Variants in IL11 observed in about 807,000 individuals in gnomAD.
The protein encoded by IL11 is interleukin-11.
IL11 carries 17 observed loss-of-function variants against 18.1 expected under a neutral mutation model. The ratio of observed to expected loss-of-function variants is 0.94; its 90% confidence interval spans 0.64 to 1.41. The LOEUF (loss-of-function observed/expected upper bound fraction) is 1.41, where lower values mean the gene tolerates loss of function less well. Among genes scored for constraint, IL11 ranks in the 40% most tolerant of loss-of-function variants. The pLI is 0.00. For missense variants in IL11, 309 were observed against 262.8 expected (o/e 1.18, Z -1.22); for synonymous variants, 144 against 134.1 (o/e 1.07, Z -0.51).
At position 55,366,229 on chromosome 19, in the gene IL11, C is replaced by T. The variant is rs1254251881; in HGVS notation, c.430-52G>A. The T allele has an allele frequency of 2.1e-6, 3 of 1,438,196 alleles. No homozygotes were observed. The highest frequency in any genetic ancestry group is 2.7e-6 in the Non-Finnish European group (3 of 1,094,992). The allele number at this position is 1,438,196 out of a possible 1,614,324, so 89.1% of individuals were successfully genotyped here. ...ACAGGTAGGGGGTGCAGCGGGGGTG[C>T]AGGGCAGGGGTGCTGTGGAGCTGCA... On this transcript the variant is annotated intron_variant, in intron 4 of 4. Transcript: ENST00000264563. The surrounding 1 kb of genome is among the most constrained non-coding windows in gnomAD (Gnocchi z 4.6).
At chr19:55,370,183 C>T (rs2089813907) in intron 1 of IL11, 121 bp downstream of exon 1, 4 of 757,360 alleles carry the variant, frequency 5.3e-6, no homozygotes, top group Non-Finnish European at 9.3e-6. Flanking sequence ...GCTCTCCTCC[C>T]CGGCTGCCTG....
Position 55,369,001 on chromosome 19 carries a change from T to G in IL11, c.8-60A>C. The G allele has an allele frequency of 7.1e-7, 1 of 1,416,810 alleles. No homozygotes were observed. The highest frequency in any genetic ancestry group is 9.4e-7 in the Non-Finnish European group (1 of 1,067,632). The allele number at this position is 1,416,810 out of a possible 1,614,324, so 87.8% of individuals were successfully genotyped here. A position where few individuals can be genotyped will look rare whatever the true frequency, so the allele number is the denominator to read the frequency against. On this transcript the variant is annotated intron_variant, in intron 1 of 4. Coordinates refer to ENST00000264563, the MANE Select transcript of IL11 (RefSeq NM_000641.4). The surrounding 1 kb of genome is among the most constrained non-coding windows in gnomAD (Gnocchi z 6.1). ...ACTCCGGGTCTGAGAGAGGAGGGCCTGGGCCTGGACTCCCGGGTCTGAGGG... is the reference window on the plus strand; with the variant it reads ...ACTCCGGGTCTGAGAGAGGAGGGCCGGGGCCTGGACTCCCGGGTCTGAGGG...
chr19:55,367,711 C>T (rs1013823542), intron 4 of IL11, among the ~76,000 whole-genome samples: 6 of 151,972 alleles, frequency 3.9e-5, no homozygotes, highest in South Asian at 2.1e-4. Flanking sequence ...CCACTTGCCT[C>T]GGCCTCCCAA....
At chr19:55,368,683 AAC>A (rs1331912320) in intron 2 of IL11, 84 bp downstream of exon 2, 4 of 1,495,378 alleles carry the variant, frequency 2.7e-6, no homozygotes, top group Non-Finnish European at 3.6e-6. Flanking sequence ...GAGAGCCCAG[AAC>A]CCCTCCAAGT....
In IL11 at chr19:55,368,308, GCCACTGCACGTGC is replaced by G. The variant is rs1235929889; in HGVS notation, c.318_330del (p.His107CysfsTer9). On this transcript the variant is annotated frameshift_variant, in exon 4 of 5. Coordinates refer to ENST00000264563, the MANE Select transcript of IL11 (RefSeq NM_000641.4). LOFTEE classifies it high-confidence loss of function. The stretch of plus-strand genomic sequence containing the variant: ...AGGGAAGAGCCACCTGCCCGGCGCA[GCCACTGCACGTGC>G]CGCAGGTAGGACAGTAGGTCCGCTC... 6.3e-7 allele frequency: 1 copy of G among 1,588,946 alleles called. No homozygotes were observed. Among genetic ancestry groups the G allele is most frequent in the Admixed American group, 1.8e-5 (1 of 56,954 alleles).
In IL11 at chr19:55,365,814, C is replaced by CTT. The variant is rs1216353129; in HGVS notation, c.*192_*193insAA. 2.3e-6 allele frequency: 2 copies of CTT among 876,560 alleles called. No homozygotes were observed. Among genetic ancestry groups the CTT allele is most frequent in the African/African-American group, 3.5e-5 (2 of 56,570 alleles). 54.3% of individuals were successfully genotyped at this position (876,560 alleles called of 1,614,324 possible). On this transcript the variant is annotated 3_prime_UTR_variant, in exon 5 of 5. Transcript: ENST00000264563. ...CCTCGGGGACCCAGGAGTCCACCTG[C>CTT]CTCCCACCCCTGCTCCTGAAATAAA...
At position 55,366,445 on chromosome 19, in the gene IL11, C is replaced by T. The variant is rs1175036191; in HGVS notation, c.430-268G>A. Among the ~76,000 whole-genome samples, 1 of 151,812 alleles carries T rather than the reference C, an allele frequency of 6.6e-6. No homozygotes were observed. The highest frequency in any genetic ancestry group is 1.5e-5 in the Non-Finnish European group (1 of 67,982). The stretch of plus-strand genomic sequence containing the variant: ...GGCATCTCGGTTCTAGGTGAGGGAT[C>T]GGGCCTGGGACTGTTAGAGTCGCCG... On this transcript the variant is annotated intron_variant, in intron 4 of 4. Transcript: ENST00000264563. The surrounding 1 kb of genome is among the most constrained non-coding windows in gnomAD (Gnocchi z 4.6).
rs1018255427 is a variant in IL11, at chr19:55,369,860, G to A, written c.7+444C>T. On this transcript the variant is annotated intron_variant, in intron 1 of 4. Transcript: ENST00000264563. This position sits in a 1 kb window ranked among gnomAD's most constrained non-coding sequence, Gnocchi z 6.1. ...GCGCCCAGTCTCTCTCCTCCCCCCG[G>A]CTGGGGTCGCTACTCCCTGGCTTGC... is the stretch of plus-strand genomic sequence containing the variant. Among the ~76,000 whole-genome samples the A allele has an allele frequency of 1.5e-4, 22 of 151,658 alleles. No homozygotes were observed. Among genetic ancestry groups the A allele is most frequent in the African/African-American group, 5.1e-4 (21 of 41,376 alleles).
rs773143821 is a variant in IL11, at chr19:55,368,809, C to A, written c.140G>T (p.Arg47Leu). Residue 47 changes from arginine (R) to leucine (L), a missense_variant, in exon 2 of 5, where the codon CGC (arginine) becomes CTC (leucine). Transcript: ENST00000264563. ...CTGCCGCGTGTCCGCCAGGAGAGAG[C>A]GGGTCAGGAGCACGGTGCTGTCCAG... is the stretch of plus-strand genomic sequence containing the variant. ...AELDSTVLLT[R>L]SLLADTRQLA... The A allele has an allele frequency of 3.1e-5, 49 of 1,592,168 alleles. No homozygotes were observed. The highest frequency in any genetic ancestry group is 3.9e-5 in the Non-Finnish European group (46 of 1,170,254).
rs1468955923 is a variant in IL11 at position 55,369,489 on chromosome 19, G to A, written c.8-548C>T. On this transcript the variant is annotated intron_variant, in intron 1 of 4. Coordinates refer to ENST00000264563, the MANE Select transcript of IL11 (RefSeq NM_000641.4). The surrounding 1 kb of genome is among the most constrained non-coding windows in gnomAD (Gnocchi z 6.1). ...CCCGGGAGACACGGACCTCTCCCAC[G>A]GGAGACCCCTTAGACGCCCTCCCAG... Among the ~76,000 whole-genome samples, 1 of 151,020 alleles carries A rather than the reference G, an allele frequency of 6.6e-6. No individual in the cohort carries two copies. Among genetic ancestry groups the A allele is most frequent in the African/African-American group, 2.5e-5 (1 of 40,696 alleles).
chr19:55,366,016 A>G lies in IL11; in HGVS notation c.591T>C (p.Thr197=), dbSNP rs1371039503. The G allele has an allele frequency of 6.2e-7, 1 of 1,603,734 alleles. No homozygotes were observed. Among genetic ancestry groups the G allele is most frequent in the Admixed American group, 1.7e-5 (1 of 58,842 alleles). Residue 197 remains threonine, a synonymous_variant, in exon 5 of 5, where the codon ACT becomes ACC. Transcript: ENST00000264563. The surrounding 1 kb of genome is among the most constrained non-coding windows in gnomAD (Gnocchi z 4.6). Reference sequence around the variant, plus strand: ...GGCTTTGGGCCCCGGGTCACAGCCGAGTCTTCAGCAGCAGCAGTCCCCTCA... The same window carrying G: ...GGCTTTGGGCCCCGGGTCACAGCCGGGTCTTCAGCAGCAGCAGTCCCCTCA... The part of the protein sequence containing the change: ...WAVRGLLLLK[T]RL
In IL11 at chr19:55,370,290, A is replaced by G. The variant is rs376351367; in HGVS notation, c.7+14T>C. ...CCTCCCTGTCCCCTCCACCCTCCCC[A>G]TGAACCAACTTACAGTTCATGTCCC... On this transcript the variant is annotated intron_variant, in intron 1 of 4. Transcript: ENST00000264563. The G allele has an allele frequency of 1.2e-5, 18 of 1,485,904 alleles. No homozygotes were observed. Among genetic ancestry groups the G allele is most frequent in the Admixed American group, 8.7e-5 (4 of 46,012 alleles). 92.0% of individuals were successfully genotyped at this position (1,485,904 alleles called of 1,614,324 possible). A position where few individuals can be genotyped will look rare whatever the true frequency, so the allele number is the denominator to read the frequency against.
rs779248310 is a variant in IL11 at position 55,368,506 on chromosome 19, C to G, written c.244G>C (p.Ala82Pro). 6.2e-7 allele frequency: 1 copy of G among 1,612,848 alleles called. No homozygotes were observed. Among genetic ancestry groups the G allele is most frequent in the Non-Finnish European group, 8.5e-7 (1 of 1,179,558 alleles). The change falls in exon 3 of 5, where the codon GCG (alanine) becomes CCG (proline). Residue 82 changes from alanine to proline, a missense_variant. Ala to Pro is a conservative substitution (Grantham distance 27). Transcript: ENST00000264563. ...LDSLPTLAMS[A>P]GALGALQLPG... ...ACCTGTAGAGCTCCCAGTGCCCCCG[C>G]ACTCATGGCCAGGGTGGGCAGGGAA...
Position 55,366,051 on chromosome 19 carries a change from C to T in IL11, c.556G>A (p.Asp186Asn). ...AILGGLHLTL[D>N]WAVRGLLLLK... ...AGCAGCAGTCCCCTCACGGCCCAGT[C>T]AAGTGTCAGGTGCAGCCCCCCCAGG... Residue 186 changes from aspartate (D) to asparagine (N), a missense_variant, in exon 5 of 5, where the codon GAC (aspartate) becomes AAC (asparagine). By Grantham distance (23) the Asp-to-Asn change is conservative. Transcript: ENST00000264563. This position sits in a 1 kb window ranked among gnomAD's most constrained non-coding sequence, Gnocchi z 4.6. The T allele has an allele frequency of 6.2e-7, 1 of 1,602,886 alleles. No homozygotes were observed. The highest frequency in any genetic ancestry group is 8.5e-7 in the Non-Finnish European group (1 of 1,175,954).
At position 55,364,974 on chromosome 19, in the gene IL11, C is replaced by T. The variant is rs2089776292; in HGVS notation, c.*1033G>A. The T allele has an allele frequency of 3.3e-5, 5 of 152,178 alleles. No individual in the cohort carries two copies. The South Asian group carries it at 1.0e-3, about 32-fold the overall frequency. The allele number at this position is 152,178 out of a possible 1,614,324, so 9.4% of individuals were successfully genotyped here. ...ACACAGCCATAATGAACCATCTTGA[C>T]CTTGCAGCTTTGTCCCATACGGGTA... On this transcript the variant is annotated 3_prime_UTR_variant, in exon 5 of 5. Coordinates refer to ENST00000264563, the MANE Select transcript of IL11 (RefSeq NM_000641.4).
In IL11 at chr19:55,369,316, G is replaced by A. The variant is rs2089806871; in HGVS notation, c.8-375C>T. ...GGCCCGGGGCGGGTAGACGGGCCGGGCGTCTCCCGTCCGCCCCCGGACGCC... is the reference window on the plus strand; with the variant it reads ...GGCCCGGGGCGGGTAGACGGGCCGGACGTCTCCCGTCCGCCCCCGGACGCC... On this transcript the variant is annotated intron_variant, in intron 1 of 4. Transcript: ENST00000264563. The surrounding 1 kb of genome is among the most constrained non-coding windows in gnomAD (Gnocchi z 6.1). The A allele has an allele frequency of 6.1e-6, 1 of 165,188 alleles. No homozygotes were observed. Among genetic ancestry groups the A allele is most frequent in the East Asian group, 1.7e-4 (1 of 5,894 alleles). The allele number at this position is 165,188 out of a possible 1,614,324, so 10.2% of individuals were successfully genotyped here.
In IL11 at chr19:55,369,925, CCT is replaced by C. The variant is rs1359133465; in HGVS notation, c.7+377_7+378del. 2.0e-5 allele frequency among the ~76,000 whole-genome samples: 3 copies of C among 152,054 alleles called. No individual in the cohort carries two copies. Among genetic ancestry groups the C allele is most frequent in the Non-Finnish European group, 4.4e-5 (3 of 67,978 alleles). ...ACCCTGCCTCAGTTTCCCTCCGGAGCCTCTCTGCCGGAATCCCAGGGAGTCTC... is the reference window on the plus strand; with the variant it reads ...ACCCTGCCTCAGTTTCCCTCCGGAGCCTCTGCCGGAATCCCAGGGAGTCTC... On this transcript the variant is annotated intron_variant, in intron 1 of 4. Coordinates refer to ENST00000264563, the MANE Select transcript of IL11 (RefSeq NM_000641.4). This position sits in a 1 kb window ranked among gnomAD's most constrained non-coding sequence, Gnocchi z 6.1.
chr19:55,370,432 G>T lies in IL11; in HGVS notation c.-122C>A. 1.5e-6 allele frequency: 1 copy of T among 657,186 alleles called. No individual in the cohort carries two copies. Among genetic ancestry groups the T allele is most frequent in the Non-Finnish European group, 2.3e-6 (1 of 431,248 alleles). 40.7% of individuals were successfully genotyped at this position (657,186 alleles called of 1,614,324 possible). ...CTGGGCCGCGGCCTGGGGAGGGGAG[G>T]CATGTGCCCTGAGCAGCAGGGCCGC... On this transcript the variant is annotated 5_prime_UTR_variant, in exon 1 of 5. Coordinates refer to ENST00000264563, the MANE Select transcript of IL11 (RefSeq NM_000641.4).
At position 55,369,802 on chromosome 19, in the gene IL11, C is replaced by T. The variant is rs2089811271; in HGVS notation, c.7+502G>A. ...GTCGGTCTGTCCGCGCCTCCGTCGG[C>T]CGCATCTGCCCGGCTCTCCCCGCTT... On this transcript the variant is annotated intron_variant, in intron 1 of 4. Coordinates refer to ENST00000264563, the MANE Select transcript of IL11 (RefSeq NM_000641.4). The surrounding 1 kb of genome is among the most constrained non-coding windows in gnomAD (Gnocchi z 6.1). 6.6e-6 allele frequency among the ~76,000 whole-genome samples: 1 copy of T among 151,410 alleles called. No homozygotes were observed. Among genetic ancestry groups the T allele is most frequent in the African/African-American group, 2.4e-5 (1 of 41,344 alleles).
Sources: allele counts gnomAD v4.1 joint callset (sites outside exome capture counted in the v4.1 genomes callset), GRCh38; gene constraint gnomAD v4.1.1; non-coding constraint Gnocchi (gnomAD v3.1); transcripts MANE v1.5; gene names NCBI Gene and HGNC (gene_info 2026-07-23, HGNC 2026-07-21).